Variants in ENPP2 observed in about 807,000 individuals in gnomAD.
ENPP2 encodes the protein autotaxin.
In ENPP2, 51 loss-of-function variants were observed where a neutral mutation model predicts 120.2. That is an observed-to-expected ratio of 0.42 (90% CI 0.34 to 0.54). The LOEUF (loss-of-function observed/expected upper bound fraction) is 0.54, where lower values mean the gene tolerates loss of function less well. ENPP2 is among the 20% of genes least tolerant of loss of function. ENPP2 has a pLI of 0.04. For synonymous variants in ENPP2, 365 were observed against 366.4 expected, an observed-to-expected ratio of 1.00 and a Z score of 0.04; for missense variants, 920 against 1,066.5, an observed-to-expected ratio of 0.86 and a Z score of 1.91.
chr8:119,597,413 A>G (rs1813973355), intron 11 of ENPP2, among the ~76,000 whole-genome samples: 1 of 152,222 alleles, frequency 6.6e-6, no homozygotes, highest in Non-Finnish European at 1.5e-5. Flanking sequence ...GGAGCAGAAG[A>G]GTAGGGTTTA....
At chr8:119,649,586 A>G (rs908643201) in intron 1 of ENPP2, among the ~76,000 whole-genome samples, 10 of 152,206 alleles carry the variant, frequency 6.6e-5, no homozygotes, top group African/African-American at 2.4e-4. Context: ...ATCGGAAGAC[A>G]TTATTGTCAA....
chr8:119,635,027 C>T (rs183249852), intron 2 of ENPP2, among the ~76,000 whole-genome samples: 4 of 152,300 alleles, frequency 2.6e-5, no homozygotes, highest in East Asian at 1.9e-4. Flanking sequence ...TCCTAATGAC[C>T]GAGTTTTGCT....
At chr8:119,673,139 G>T in intron 1 of ENPP2, 2 of 905,992 alleles carry the variant, frequency 2.2e-6, no homozygotes, top group Non-Finnish European at 3.5e-6. Context: ...AACAGGGACT[G>T]CTTTCCGGCA....
At chr8:119,568,585 G>C (rs1210962199) in intron 21 of ENPP2, among the ~76,000 whole-genome samples, 2 of 151,900 alleles carry the variant, frequency 1.3e-5, no homozygotes, top group Non-Finnish European at 2.9e-5. Context: ...AAGGTAATGA[G>C]AGATGGTTTA....
intron 3 of ENPP2, among the ~76,000 whole-genome samples, chr8:119,623,391 G>A (rs1258330591): frequency 6.6e-6 from 1 of 152,010 alleles, no homozygotes; most frequent in Non-Finnish European, 1.5e-5. Flanking sequence ...CTTGAACCCA[G>A]GAGGCAGAGG....
chr8:119,634,923 C>T (rs918034285), intron 2 of ENPP2, among the ~76,000 whole-genome samples: 19 of 151,994 alleles, frequency 1.3e-4, no homozygotes, highest in Admixed American at 1.0e-3. Flanking sequence ...AAATCTGTAC[C>T]CTCCTTAGCT....
chr8:119,569,738 T>TTG (rs754303358), intron 20 of ENPP2, among the ~76,000 whole-genome samples: 63 of 90,826 alleles, frequency 6.9e-4, no homozygotes, highest in Admixed American at 3.2e-3. Flanking sequence ...AATAGACTAT[T>TTG]TATCTGTGTG....
chr8:119,665,048 A>T (rs1465920147), intron 1 of ENPP2, among the ~76,000 whole-genome samples: 1 of 152,086 alleles, frequency 6.6e-6, no homozygotes, highest in African/African-American at 2.4e-5. Context: ...TTCCCTGTGT[A>T]TGTTCCCGTG....
chr8:119,654,235 G>A (rs1162196224), intron 1 of ENPP2, among the ~76,000 whole-genome samples: 1 of 136,330 alleles, frequency 7.3e-6, no homozygotes, highest in Non-Finnish European at 1.5e-5. Context: ...AGATATAAAA[G>A]ATATAGCTAT....
chr8:119,613,351 C>T (rs1217638553), intron 8 of ENPP2, among the ~76,000 whole-genome samples: 1 of 152,104 alleles, frequency 6.6e-6, no homozygotes, highest in African/African-American at 2.4e-5. Context: ...TCGGAAGACG[C>T]CTATTTAGAT....
At chr8:119,583,506 C>T (rs1240678260) in intron 17 of ENPP2, among the ~76,000 whole-genome samples, 2 of 152,192 alleles carry the variant, frequency 1.3e-5, no homozygotes, top group African/African-American at 4.8e-5. Context: ...ACTATGAAAA[C>T]GCCCCATTAG....
At position 119,619,479 on chromosome 8, in the gene ENPP2, C is replaced by T. The variant is rs182963931; in HGVS notation, c.419-175G>A. On this transcript the variant is annotated intron_variant, in intron 4 of 24. Transcript: ENST00000075322. ...TCTGGTTTGGCTTATAAAGTACACC[C>T]ATACATGATGGGAAAGCTAAGATTT... is the stretch of plus-strand genomic sequence containing the variant. Among the ~76,000 whole-genome samples the T allele has an allele frequency of 2.6e-5, 4 of 151,220 alleles. No individual in the cohort carries two copies. In the East Asian group the frequency reaches 7.8e-4, roughly 29 times the overall value.
In ENPP2 at chr8:119,584,044, G is replaced by C. The variant is rs202031268; in HGVS notation, c.1373C>G (p.Pro458Arg). The change falls in exon 16 of 25, where the codon CCT (proline) becomes CGT (arginine). Residue 458 changes from proline (P) to arginine (R), a missense_variant. By Grantham distance (103) the Pro-to-Arg change is moderately radical. Transcript: ENST00000075322. ...TGATGGTTTCTTATAAACATCCAAA[G>C]GTTTCCTAAATTGAAACAATTTCAT... The part of the protein sequence containing the change: ...VERRWHVARK[P>R]LDVYKKPSGK... 2 of 1,604,342 alleles carry C rather than the reference G, an allele frequency of 1.2e-6. No homozygotes were observed. Among genetic ancestry groups the C allele is most frequent in the Non-Finnish European group, 8.5e-7 (1 of 1,172,188 alleles).
chr8:119,617,224 A>G lies in ENPP2; in HGVS notation c.597T>C (p.Ser199=). Residue 199 remains serine (S), a synonymous_variant, in exon 7 of 25, where the codon TCT becomes TCC. Coordinates refer to ENST00000075322, the MANE Select transcript of ENPP2 (RefSeq NM_001040092.3). ...IEKLRSCGTH[S]PYMRPVYPTK... ...TTGGGTACACCGGCCTCATGTAGGG[A>G]GAGTGTGTGCCACAAGACCCTGGAA... 3.1e-6 allele frequency: 5 copies of G among 1,613,414 alleles called. No individual in the cohort carries two copies. Among genetic ancestry groups the G allele is most frequent in the Non-Finnish European group, 4.2e-6 (5 of 1,179,332 alleles).
At chr8:119,625,551 G>C (rs1816210170) in intron 3 of ENPP2, among the ~76,000 whole-genome samples, 1 of 152,202 alleles carries the variant, frequency 6.6e-6, no homozygotes, top group Admixed American at 6.5e-5. Flanking sequence ...ATGATAGTAA[G>C]AGTTAGGTCT....
At chr8:119,589,822 G>T (rs1813376004) in intron 13 of ENPP2, among the ~76,000 whole-genome samples, 1 of 151,972 alleles carries the variant, frequency 6.6e-6, no homozygotes, top group African/African-American at 2.4e-5. Context: ...ATAAAACTAT[G>T]GACTTCTCAA....
intron 1 of ENPP2, among the ~76,000 whole-genome samples, chr8:119,665,119 C>A (rs1327420930): frequency 6.6e-6 from 1 of 152,144 alleles, no homozygotes; most frequent in Non-Finnish European, 1.5e-5. Flanking sequence ...ATCCTCATGA[C>A]CTGCTTTAAT....
intron 2 of ENPP2, among the ~76,000 whole-genome samples, chr8:119,634,205 T>C (rs1587543532): frequency 6.6e-6 from 1 of 150,794 alleles, no homozygotes; most frequent in East Asian, 1.9e-4. Flanking sequence ...CATACATACA[T>C]ACATACATAC....
At chr8:119,586,011 CAT>C (rs1203390687) in intron 15 of ENPP2, among the ~76,000 whole-genome samples, 173 bp downstream of exon 15, 1 of 151,880 alleles carries the variant, frequency 6.6e-6, no homozygotes, top group African/African-American at 2.4e-5. Flanking sequence ...AGACCCAGAA[CAT>C]AGAGATATAT....
Sources: gnomAD v4.1 joint callset for allele counts (sites outside exome capture counted in the v4.1 genomes callset) on GRCh38, gnomAD v4.1.1 for gene constraint, MANE v1.5 for transcripts, NCBI Gene and HGNC (gene_info 2026-07-23, HGNC 2026-07-21) for gene names.